QTMAN: variants seen among roughly 807,000 people sequenced by gnomAD.
The protein encoded by QTMAN is queuosine-tRNA mannosyltransferase, also known as tRNA-queuosine alpha-mannosyltransferase.
chr2:144,041,353 G>T, the QTMAN span, among the ~76,000 whole-genome samples: 4 of 152,134 alleles, frequency 2.6e-5, no homozygotes, highest in Non-Finnish European at 2.9e-5. Flanking sequence ...TGAAATCAGT[G>T]TAATTTTATG....
chr2:143,939,283 A>G, the QTMAN span: 1 of 152,162 alleles, frequency 6.6e-6, no homozygotes, highest in African/African-American at 2.4e-5. Context: ...TGTTCTTACC[A>G]CCCACCAAAG....
chr2:144,309,475 T>C, the QTMAN span, among the ~76,000 whole-genome samples: 2 of 152,180 alleles, frequency 1.3e-5, no homozygotes, highest in Non-Finnish European at 2.9e-5. Flanking sequence ...AATAACATAA[T>C]AAGCCTCAAA....
At chr2:143,969,508 T>C in the QTMAN span, among the ~76,000 whole-genome samples, 2 of 152,202 alleles carry the variant, frequency 1.3e-5, no homozygotes, top group Admixed American at 6.5e-5. Context: ...CCTGTCCTCA[T>C]AGCATTTACA....
the QTMAN span, among the ~76,000 whole-genome samples, chr2:144,215,068 C>T: frequency 1.3e-5 from 2 of 151,776 alleles, no homozygotes; most frequent in African/African-American, 4.8e-5. Flanking sequence ...TTGTGAGGCT[C>T]CATCTCTACA....
At chr2:144,101,320 C>T in the QTMAN span, among the ~76,000 whole-genome samples, 59 of 152,234 alleles carry the variant, frequency 3.9e-4, no homozygotes, top group African/African-American at 1.3e-3. Flanking sequence ...ACCTTAGCCA[C>T]CTCTGACACA....
At chr2:144,200,957 C>G in the QTMAN span, among the ~76,000 whole-genome samples, 1 of 152,066 alleles carries the variant, frequency 6.6e-6, no homozygotes, top group Non-Finnish European at 1.5e-5. Context: ...CCATATTTTT[C>G]AAACTCTAAT....
chr2:144,134,193 G>GTT, the QTMAN span, among the ~76,000 whole-genome samples: 1 of 151,412 alleles, frequency 6.6e-6, no homozygotes, highest in African/African-American at 2.4e-5. Context: ...GTAAAATAGT[G>GTT]TTTTTTTTTA....
chr2:144,025,618 G>A, the QTMAN span, among the ~76,000 whole-genome samples: 3 of 152,124 alleles, frequency 2.0e-5, no homozygotes, highest in African/African-American at 7.2e-5. Flanking sequence ...GAGAATAGGA[G>A]GTGATTAGAA....
At chr2:144,241,452 T>G in the QTMAN span, among the ~76,000 whole-genome samples, 854 of 152,358 alleles carry the variant, frequency 5.6e-3, 10 homozygotes, top group African/African-American at 0.019. Context: ...AAGCACTTTA[T>G]ATACATTATA....
the QTMAN span, among the ~76,000 whole-genome samples, chr2:144,257,062 A>G: frequency 6.7e-6 from 1 of 149,544 alleles, no homozygotes; most frequent in Non-Finnish European, 1.5e-5. Context: ...TGAGCAGAAG[A>G]CAGTCTCTAC....
the QTMAN span, among the ~76,000 whole-genome samples, chr2:144,117,303 C>T: frequency 1.3e-5 from 2 of 152,188 alleles, no homozygotes; most frequent in Non-Finnish European, 2.9e-5. Flanking sequence ...CAAATTCAAC[C>T]TCACAGAAGC....
the QTMAN span, among the ~76,000 whole-genome samples, chr2:144,229,193 T>C: frequency 6.6e-6 from 1 of 152,212 alleles, no homozygotes; most frequent in Admixed American, 6.5e-5. Context: ...TCATTCTCTA[T>C]GTATGTTTCT....
the QTMAN span, among the ~76,000 whole-genome samples, chr2:144,095,249 C>T: frequency 6.6e-6 from 1 of 152,134 alleles, no homozygotes; most frequent in Non-Finnish European, 1.5e-5. Flanking sequence ...ATGTCCATTA[C>T]ATTAGAAATT....
At chr2:144,282,597 C>A in the QTMAN span, among the ~76,000 whole-genome samples, 21 of 152,102 alleles carry the variant, frequency 1.4e-4, no homozygotes, top group South Asian at 4.2e-3. Context: ...CTATAAAGTT[C>A]TATTTAAGAA....
the QTMAN span, among the ~76,000 whole-genome samples, chr2:144,090,835 A>G: frequency 6.6e-6 from 1 of 152,018 alleles, no homozygotes; most frequent in Non-Finnish European, 1.5e-5. Flanking sequence ...TTCCCCTAGG[A>G]AACTGACAAC....
chr2:144,136,327 A>AGAGGG, the QTMAN span, among the ~76,000 whole-genome samples: 1 of 141,724 alleles, frequency 7.1e-6, no homozygotes, highest in African/African-American at 2.5e-5. Context: ...CCCTGTCAAA[A>AGAGGG]GAGGGGAGGG....
At chr2:144,307,033 C>T in the QTMAN span, among the ~76,000 whole-genome samples, 4 of 151,280 alleles carry the variant, frequency 2.6e-5, no homozygotes, top group Admixed American at 2.0e-4. Context: ...TGGTGGTGCA[C>T]GCCTGTAGTC....
the QTMAN span, chr2:143,941,176 TCTC>T: frequency 6.6e-6 from 1 of 152,052 alleles, no homozygotes; most frequent in Admixed American, 6.6e-5. Context: ...CAAGTCAACT[TCTC>T]CTCAGGCCCC....
At chr2:144,047,654 G>C in the QTMAN span, among the ~76,000 whole-genome samples, 1 of 152,154 alleles carries the variant, frequency 6.6e-6, no homozygotes, top group Admixed American at 6.5e-5. Context: ...AGCAACACGT[G>C]CAAGTGGATA....
Sources: allele counts gnomAD v4.1 joint callset (sites outside exome capture counted in the v4.1 genomes callset), GRCh38; gene constraint gnomAD v4.1.1; transcripts MANE v1.5; gene names NCBI Gene and HGNC (gene_info 2026-07-23, HGNC 2026-07-21).